Variants in ANKS1B observed in about 807,000 individuals in gnomAD.
ANKS1B encodes the protein ankyrin repeat and sterile alpha motif domain containing 1B.
ANKS1B carries 36 observed loss-of-function variants against 148.3 expected under a neutral mutation model. The observed-to-expected ratio is 0.24, with a 90% CI of 0.19 to 0.32. The LOEUF (loss-of-function observed/expected upper bound fraction) is 0.32, where lower values mean the gene tolerates loss of function less well. Ranked by LOEUF, ANKS1B falls within the 10% of genes least tolerant of loss-of-function variation. The pLI is 1.00. For synonymous variants in ANKS1B, 542 were observed against 560.8 expected, an observed-to-expected ratio of 0.97 and a Z score of 0.47; for missense variants, 1,157 against 1,542.6, an observed-to-expected ratio of 0.75 and a Z score of 4.19.
Position 99,984,369 on chromosome 12 carries a change from T to C in ANKS1B, c.-132A>G. On this transcript the variant is annotated 5_prime_UTR_variant, in exon 1 of 27. Transcript: ENST00000683438. ...ATGCAAGAGCTTCAGCACGGAGAGCTCCCTGCAGCCCCAGGCAGGGAGCAC... is the reference window on the plus strand; with the variant it reads ...ATGCAAGAGCTTCAGCACGGAGAGCCCCCTGCAGCCCCAGGCAGGGAGCAC... The C allele has an allele frequency of 1.0e-5, 4 of 401,120 alleles. No homozygotes were observed. The highest frequency in any genetic ancestry group is 2.2e-5 in the African/African-American group (1 of 46,120). 24.8% of individuals were successfully genotyped at this position (401,120 alleles called of 1,614,324 possible). A position where few individuals can be genotyped will look rare whatever the true frequency, so the allele number is the denominator to read the frequency against.
intron 1 of ANKS1B, among the ~76,000 whole-genome samples, chr12:99,885,882 A>G (rs1280787121): frequency 6.6e-6 from 1 of 152,058 alleles, no homozygotes; most frequent in Non-Finnish European, 1.5e-5. Context: ...GTGTTACTTC[A>G]CTTAGAATAA....
At chr12:99,623,609 T>G (rs2098080648) in intron 9 of ANKS1B, among the ~76,000 whole-genome samples, 1 of 151,808 alleles carries the variant, frequency 6.6e-6, no homozygotes, top group Non-Finnish European at 1.5e-5. Flanking sequence ...CCAATAACAT[T>G]TGGCTCTTAT....
intron 10 of ANKS1B, among the ~76,000 whole-genome samples, chr12:99,480,996 T>G (rs2152933529): frequency 9.0e-6 from 1 of 111,666 alleles, no homozygotes. Context: ...TTTTCACTGA[T>G]TTTTTTTTTT....
At chr12:99,611,277 A>G (rs1020647713) in intron 9 of ANKS1B, among the ~76,000 whole-genome samples, 1 of 152,108 alleles carries the variant, frequency 6.6e-6, no homozygotes, top group Admixed American at 6.6e-5. Context: ...TAGTTCAGAT[A>G]CTCTAGACAG....
At chr12:99,648,574 G>GT (rs761253833) in intron 9 of ANKS1B, 9 of 1,614,142 alleles carry the variant, frequency 5.6e-6, no homozygotes, top group Admixed American at 1.7e-5. Flanking sequence ...CCACAACAGC[G>GT]TAAAAAAACA....
At chr12:99,348,276 C>A (rs925227357) in intron 12 of ANKS1B, among the ~76,000 whole-genome samples, 1 of 151,736 alleles carries the variant, frequency 6.6e-6, no homozygotes, top group African/African-American at 2.4e-5. Flanking sequence ...GGACAAAAGA[C>A]CAAATAATGG....
rs2093531092 is a variant in ANKS1B, at chr12:99,899,940, C to T, written c.135-74551G>A. On this transcript the variant is annotated intron_variant, in intron 1 of 26. Transcript: ENST00000683438. ...TTTAGATGGAATCTCGCTTTGTCGC[C>T]CAGGCTGGAGTGCAGTGGCACGATC... Among the ~76,000 whole-genome samples the T allele has an allele frequency of 2.0e-5, 3 of 151,796 alleles. No homozygotes were observed. The South Asian group carries it at 6.3e-4, about 32-fold the overall frequency.
chr12:99,865,284 G>GCTAAC (rs755313102), intron 1 of ANKS1B, among the ~76,000 whole-genome samples: 9 of 152,280 alleles, frequency 5.9e-5, no homozygotes, highest in Non-Finnish European at 1.0e-4. Context: ...GGAAAACTGA[G>GCTAAC]CTAACTAGTG....
intron 26 of ANKS1B, among the ~76,000 whole-genome samples, chr12:98,750,849 G>A (rs1226378033): frequency 6.6e-6 from 1 of 152,260 alleles, no homozygotes; most frequent in Non-Finnish European, 1.5e-5. Flanking sequence ...AGCCTCAGCT[G>A]CGGGAGACAA....
chr12:99,590,976 C>T (rs1275649), intron 9 of ANKS1B, among the ~76,000 whole-genome samples: 35,610 of 151,988 alleles, frequency 0.23, 4,319 homozygotes, highest in South Asian at 0.35. Flanking sequence ...ATTCAGTGTC[C>T]TACTTTAGAA....
At chr12:98,915,501 A>T (rs557861960) in intron 17 of ANKS1B, among the ~76,000 whole-genome samples, 2 of 152,204 alleles carry the variant, frequency 1.3e-5, no homozygotes, top group African/African-American at 4.8e-5. Flanking sequence ...ACAGGCATGT[A>T]TCATCACACC....
chr12:99,720,274 C>T (rs1475308702), intron 8 of ANKS1B, among the ~76,000 whole-genome samples: 1 of 152,162 alleles, frequency 6.6e-6, no homozygotes, highest in African/African-American at 2.4e-5. Context: ...ACTCACATGC[C>T]CCGAGTCAGA....
At chr12:99,493,127 T>C (rs1756382501) in intron 10 of ANKS1B, among the ~76,000 whole-genome samples, 1 of 152,128 alleles carries the variant, frequency 6.6e-6, no homozygotes, top group African/African-American at 2.4e-5. Flanking sequence ...ATTGCCTCTT[T>C]CAGGAGCATT....
intron 14 of ANKS1B, among the ~76,000 whole-genome samples, chr12:99,234,022 A>C (rs2153955366): frequency 6.6e-6 from 1 of 152,254 alleles, no homozygotes; most frequent in South Asian, 2.1e-4. Flanking sequence ...CTTCATCTCC[A>C]TTGCTTAAGA....
At chr12:99,399,911 A>G (rs899061588) in intron 11 of ANKS1B, 100 bp from the exon 12 acceptor site, 2 of 1,178,400 alleles carry the variant, frequency 1.7e-6, no homozygotes, top group Non-Finnish European at 2.5e-6. Context: ...TTTTCAGTTA[A>G]AAACTATCTG....
intron 16 of ANKS1B, among the ~76,000 whole-genome samples, chr12:99,072,727 G>C (rs929435367): frequency 6.6e-6 from 1 of 152,182 alleles, no homozygotes. Context: ...AGCATTCACA[G>C]ATTCCCATCA....
At chr12:99,254,257 C>A (rs1414727716) in intron 12 of ANKS1B, among the ~76,000 whole-genome samples, 1 of 152,176 alleles carries the variant, frequency 6.6e-6, no homozygotes, top group East Asian at 1.9e-4. Flanking sequence ...AACATATACA[C>A]TAAATTAGTA....
intron 1 of ANKS1B, among the ~76,000 whole-genome samples, chr12:99,827,040 G>A (rs2083287806): frequency 2.0e-5 from 3 of 151,922 alleles, no homozygotes; most frequent in South Asian, 4.2e-4. Flanking sequence ...GGTTGCTTCA[G>A]CCTGGGAGGT....
chr12:98,873,994 G>T (rs1429408594), intron 17 of ANKS1B, among the ~76,000 whole-genome samples: 1 of 152,146 alleles, frequency 6.6e-6, no homozygotes, highest in Non-Finnish European at 1.5e-5. Context: ...GATGGAGTCA[G>T]GATGACTTGG....
Sources: allele counts gnomAD v4.1 joint callset (sites outside exome capture counted in the v4.1 genomes callset), GRCh38; gene constraint gnomAD v4.1.1; transcripts MANE v1.5; gene names NCBI Gene and HGNC (gene_info 2026-07-23, HGNC 2026-07-21).